CACNA1A: variants seen among roughly 807,000 people sequenced by gnomAD.
CACNA1A encodes calcium voltage-gated channel subunit alpha1 A.
A neutral mutation model predicts 262.4 loss-of-function variants in CACNA1A; 57 were observed. The ratio of observed to expected loss-of-function variants is 0.22; its 90% CI spans 0.18 to 0.27. The LOEUF is 0.27. Ranked by LOEUF, CACNA1A falls within the 10% of genes least tolerant of loss-of-function variation. The probability of loss-of-function intolerance (pLI) is 1.00; values close to 1 mark genes in which losing one functional copy is unlikely to be tolerated. For missense variants in CACNA1A, 2,526 were observed against 3,562.8 expected (o/e 0.71, Z 7.41); for synonymous variants, 1,431 against 1,419.3 (o/e 1.01, Z -0.18).
rs2060983382 is a variant in CACNA1A at position 13,455,124 on chromosome 19, G to A, written c.382C>T (p.Pro128Ser). The part of the protein sequence containing the change: ...EQHLPDDDKT[P>S]MSERLDDTEP... Reference sequence around the variant, plus strand: ...TCACTCACCAGCCGTTCAGACATCGGGGTCTTGTCATCATCAGGCAGATGC... The same window carrying A: ...TCACTCACCAGCCGTTCAGACATCGAGGTCTTGTCATCATCAGGCAGATGC... Residue 128 changes from proline to serine, a missense_variant, in exon 2 of 47, where the codon CCG (proline) becomes TCG (serine). By Grantham distance (74) the Pro-to-Ser change is moderately conservative (BLOSUM62 -1). Transcript: ENST00000360228. 2 of 1,607,780 alleles carry A rather than the reference G, an allele frequency of 1.2e-6. No homozygotes were observed. Among genetic ancestry groups the A allele is most frequent in the Admixed American group, 3.3e-5 (2 of 59,992 alleles).
intron 24 of CACNA1A, among the ~76,000 whole-genome samples, chr19:13,268,893 C>CTTTTTTT (rs3050832): frequency 8.3e-5 from 9 of 107,946 alleles, no homozygotes; most frequent in African/African-American, 2.5e-4. Flanking sequence ...ATAGATTCTA[C>CTTTTTTT]TTTTTTTTTT....
chr19:13,268,597 T>G (rs2056928296), intron 24 of CACNA1A, among the ~76,000 whole-genome samples: 1 of 151,960 alleles, frequency 6.6e-6, no homozygotes, highest in Non-Finnish European at 1.5e-5. Context: ...CACGCCCAGC[T>G]AATTTTTTTT....
chr19:13,451,282 G>GA (rs2060909732), intron 3 of CACNA1A: 1 of 152,320 alleles, frequency 6.6e-6, no homozygotes, highest in Non-Finnish European at 1.5e-5. Flanking sequence ...CCAGCACAGT[G>GA]TGGGTGCTGC....
At chr19:13,320,357 T>A (rs547047494) in intron 10 of CACNA1A, among the ~76,000 whole-genome samples, 1 of 152,086 alleles carries the variant, frequency 6.6e-6, no homozygotes, top group Admixed American at 6.6e-5. Flanking sequence ...AACCAGCAGA[T>A]GACCTTGGGC....
chr19:13,379,630 T>A (rs1042036745), intron 3 of CACNA1A, among the ~76,000 whole-genome samples: 1 of 152,082 alleles, frequency 6.6e-6, no homozygotes, highest in Non-Finnish European at 1.5e-5. Flanking sequence ...AGTTCAGTGT[T>A]AAAAGTGTTA....
intron 37 of CACNA1A, 76 bp from the exon 38 acceptor site, chr19:13,224,848 A>T (rs546563132): frequency 2.0e-4 from 195 of 999,412 alleles, no homozygotes; most frequent in Admixed American, 7.8e-4. Flanking sequence ...GCCCGCCCCT[A>T]CCCAGGGAGT....
rs542212225 is a variant in CACNA1A, at chr19:13,293,237, G to GCCAGC, written c.3089+5306_3089+5307insGCTGG. Among the ~76,000 whole-genome samples the GCCAGC allele has an allele frequency of 4.3e-3, 661 of 151,982 alleles. 4 individuals carry two copies. The highest frequency in any genetic ancestry group is 0.024 in the Middle Eastern group (7 of 294). On this transcript the variant is annotated intron_variant, in intron 19 of 46. Coordinates refer to ENST00000360228, the MANE Select transcript of CACNA1A (RefSeq NM_001127222.2). Reference sequence around the variant, plus strand: ...ATTCATATTAATAATAGCTAACATGGCCAGGCATGGTGTCTCATGTCTGTA... The same window carrying GCCAGC: ...ATTCATATTAATAATAGCTAACATGGCCAGCCCAGGCATGGTGTCTCATGTCTGTA...
intron 1 of CACNA1A, among the ~76,000 whole-genome samples, chr19:13,474,622 G>A (rs906386791): frequency 7.2e-5 from 11 of 152,166 alleles, no homozygotes; most frequent in Non-Finnish European, 5.9e-5. Context: ...TTCGAGACCA[G>A]CCTGGCCAAT....
chr19:13,342,703 A>T (rs1317194577), intron 6 of CACNA1A, among the ~76,000 whole-genome samples: 2 of 152,136 alleles, frequency 1.3e-5, no homozygotes, highest in African/African-American at 4.8e-5. Flanking sequence ...ACCTTCTAGC[A>T]TTCCTTTTTT....
rs546628897 is a variant in CACNA1A, at chr19:13,296,595, C to T, written c.3089+1949G>A. Among the ~76,000 whole-genome samples, 4 of 152,274 alleles carry T rather than the reference C, an allele frequency of 2.6e-5. No individual in the cohort carries two copies. The East Asian group carries it at 5.8e-4, about 22-fold the overall frequency. ...TAAAAGGTGAGGTCTCACTATGTTG[C>T]GCAGGCTGGTCTTGAACTCCGGGGC... On this transcript the variant is annotated intron_variant, in intron 19 of 46. Coordinates refer to ENST00000360228, the MANE Select transcript of CACNA1A (RefSeq NM_001127222.2).
chr19:13,276,647 C>T (rs1430688014), intron 23 of CACNA1A, among the ~76,000 whole-genome samples: 1 of 151,966 alleles, frequency 6.6e-6, no homozygotes, highest in African/African-American at 2.4e-5. Context: ...GAGACTCATC[C>T]TCTCAAGGGG....
intron 1 of CACNA1A, among the ~76,000 whole-genome samples, chr19:13,489,585 T>C (rs369089720): frequency 3.9e-5 from 6 of 152,320 alleles, no homozygotes; most frequent in African/African-American, 1.4e-4. Context: ...TCTGCATCTG[T>C]AAGTGATCCA....
chr19:13,233,902 T>C (rs1238527596), intron 34 of CACNA1A, among the ~76,000 whole-genome samples: 1 of 152,118 alleles, frequency 6.6e-6, no homozygotes, highest in Non-Finnish European at 1.5e-5. Context: ...TTAAAATGTC[T>C]CTTTTCTCTA....
chr19:13,288,484 C>T (rs2057458356), intron 19 of CACNA1A, among the ~76,000 whole-genome samples: 1 of 152,150 alleles, frequency 6.6e-6, no homozygotes, highest in Non-Finnish European at 1.5e-5. Flanking sequence ...GTGATCCACC[C>T]ACCTCAGCCT....
intron 12 of CACNA1A, among the ~76,000 whole-genome samples, chr19:13,309,652 C>T (rs965754395): frequency 7.9e-5 from 12 of 151,934 alleles, no homozygotes; most frequent in African/African-American, 2.2e-4. Flanking sequence ...ATGATCCTGC[C>T]ACTGCACTCT....
chr19:13,261,396 C>T (rs571691780), intron 26 of CACNA1A, 54 bp downstream of exon 26: 41 of 1,492,516 alleles, frequency 2.7e-5, no homozygotes, highest in Middle Eastern at 1.9e-4. Flanking sequence ...TAGCCACTTC[C>T]CCCCTGCCCA....
intron 3 of CACNA1A, among the ~76,000 whole-genome samples, chr19:13,429,042 C>T (rs531912546): frequency 7.8e-4 from 118 of 152,130 alleles, no homozygotes; most frequent in South Asian, 1.5e-3. Flanking sequence ...CCTTGACCCT[C>T]GGGCACACAT....
intron 3 of CACNA1A, among the ~76,000 whole-genome samples, chr19:13,413,907 G>GAAAAGAAAAGAAAAGAAAAGAAAAGA (rs199642802): frequency 1.2e-5 from 1 of 83,104 alleles, no homozygotes; most frequent in African/African-American, 4.0e-5. Flanking sequence ...AAGAAAGAAA[G>GAAAAGAAAAGAAAAGAAAAGAAAAGA]AAAGAAAGAA....
rs890395853 is a variant in CACNA1A, at chr19:13,257,175, T to G, written c.4590+175A>C. The G allele has an allele frequency of 1.9e-5, 11 of 584,308 alleles. No homozygotes were observed. In the East Asian group the frequency reaches 3.2e-4, roughly 17 times the overall value. 36.2% of individuals were successfully genotyped at this position (584,308 alleles called of 1,614,324 possible). On this transcript the variant is annotated intron_variant, in intron 28 of 46. Coordinates refer to ENST00000360228, the MANE Select transcript of CACNA1A (RefSeq NM_001127222.2). ...ACTGACTGATACATACACTATATGA[T>G]GTGTTTCCTCTGGAAACTCCATGAA...
Sources: allele counts gnomAD v4.1 joint callset (sites outside exome capture counted in the v4.1 genomes callset), GRCh38; gene constraint gnomAD v4.1.1; transcripts MANE v1.5; gene names NCBI Gene and HGNC (gene_info 2026-07-23, HGNC 2026-07-21).